Variants in NINL observed in about 807,000 individuals in gnomAD.
NINL encodes ninein-like protein.
Under a neutral mutation model 160.3 loss-of-function variants are expected in NINL, and 153 were observed. The ratio of observed to expected loss-of-function variants is 0.95; its 90% CI spans 0.84 to 1.09. The LOEUF (loss-of-function observed/expected upper bound fraction) is 1.09, where lower values mean the gene tolerates loss of function less well. Among genes scored for constraint, NINL ranks in the 50% least tolerant of loss-of-function variants. The probability of loss-of-function intolerance (pLI) is 0.00; values close to 1 mark genes in which losing one functional copy is unlikely to be tolerated. For missense variants in NINL, 1,829 were observed against 1,764.0 expected (o/e 1.04, Z -0.66); for synonymous variants, 800 against 734.8 (o/e 1.09, Z -1.43).
intron 3 of NINL, among the ~76,000 whole-genome samples, 198 bp from the exon 4 acceptor site, chr20:25,513,204 C>T (rs2064106479): frequency 2.0e-5 from 3 of 152,104 alleles, no homozygotes; most frequent in Admixed American, 2.0e-4. Flanking sequence ...GGGTGGGAGA[C>T]TGAGAAAGCA....
intron 18 of NINL, among the ~76,000 whole-genome samples, chr20:25,469,671 C>T (rs1047661515): frequency 6.6e-6 from 1 of 152,152 alleles, no homozygotes; most frequent in South Asian, 2.1e-4. Context: ...CCCCTAAGTG[C>T]GACGTGCATC....
chr20:25,476,522 T>C lies in NINL; in HGVS notation c.2769A>G (p.Pro923=). The C allele has an allele frequency of 2.5e-6, 4 of 1,601,284 alleles. No individual in the cohort carries two copies. The highest frequency in any genetic ancestry group is 3.4e-6 in the Non-Finnish European group (4 of 1,179,834). Reference sequence around the variant, plus strand: ...CCGCTGCGCTCGCGCCGAAAGGCTCTGGCTCCTTTGGGACAATATCCCCAT... The same window carrying C: ...CCGCTGCGCTCGCGCCGAAAGGCTCCGGCTCCTTTGGGACAATATCCCCAT... ...GVDGDIVPKE[P]EPFGASAAGL... is the part of the protein sequence containing the mutation. The change falls in exon 17 of 24, where the codon CCA becomes CCG. Residue 923 remains proline (P), a synonymous_variant. Coordinates refer to ENST00000278886, the MANE Select transcript of NINL (RefSeq NM_025176.6).
At chr20:25,498,575 G>A (rs909473676) in intron 8 of NINL, among the ~76,000 whole-genome samples, 9 of 152,206 alleles carry the variant, frequency 5.9e-5, no homozygotes, top group East Asian at 1.9e-4. Flanking sequence ...TCAGGGGTGC[G>A]TAGGCCCAGG....
chr20:25,539,984 A>C (rs755540119), intron 1 of NINL: 1 of 1,279,200 alleles, frequency 7.8e-7, no homozygotes, highest in Non-Finnish European at 1.0e-6. Context: ...GTGCAGCCTC[A>C]CAACAAGCAG....
At chr20:25,515,575 G>A (rs2064145653) in intron 3 of NINL, among the ~76,000 whole-genome samples, 2 of 152,060 alleles carry the variant, frequency 1.3e-5, no homozygotes, top group African/African-American at 4.8e-5. Flanking sequence ...ATTTTGCGGG[G>A]GGTGTGCAGG....
intron 18 of NINL, among the ~76,000 whole-genome samples, chr20:25,469,740 G>T (rs2063046128): frequency 6.6e-6 from 1 of 152,182 alleles, no homozygotes; most frequent in African/African-American, 2.4e-5. Context: ...CGACCATGCT[G>T]TGGGCACTCT....
intron 1 of NINL, among the ~76,000 whole-genome samples, chr20:25,532,356 C>CAT (rs1451066452): frequency 6.6e-6 from 1 of 152,244 alleles, no homozygotes; most frequent in African/African-American, 2.4e-5. Context: ...ATAAAGCATC[C>CAT]ACAGGAGGGC....
chr20:25,571,871 A>T (rs1275505489), intron 1 of NINL, among the ~76,000 whole-genome samples: 1 of 120,198 alleles, frequency 8.3e-6, no homozygotes, highest in Non-Finnish European at 1.8e-5. Flanking sequence ...CTGTCTGAAA[A>T]AAAAAAAAAA....
intron 19 of NINL, 101 bp from the exon 20 acceptor site, chr20:25,462,642 A>ATTTGT (rs113237945): frequency 0.02 from 16,960 of 837,184 alleles, 588 homozygotes; most frequent in African/African-American, 0.11. Context: ...TTAAGTAGTC[A>ATTTGT]TTTGTTTTGT....
In NINL at chr20:25,570,694, C is replaced by CTTTTTTT. The variant is rs57981279; in HGVS notation, c.-12+14754_-12+14760dup. On this transcript the variant is annotated intron_variant, in intron 1 of 23. Transcript: ENST00000278886. ...ATGTCAGAGATCCTGGGCAAGTAGA[C>CTTTTTTT]TTTTTTTTTTTTTTTTTTTTTTTTG... is the stretch of plus-strand genomic sequence containing the variant. Among the ~76,000 whole-genome samples, 12 of 91,014 alleles carry CTTTTTTT rather than the reference C, an allele frequency of 1.3e-4. 1 individual carries two copies. Among genetic ancestry groups the CTTTTTTT allele is most frequent in the Non-Finnish European group, 2.2e-4 (11 of 50,170 alleles). The allele number at this position is 91,014 out of a possible 152,430, so 59.7% of individuals were successfully genotyped here. A position where few individuals can be genotyped will look rare whatever the true frequency, so the allele number is the denominator to read the frequency against.
At chr20:25,518,290 G>A (rs1212785597) in intron 2 of NINL, among the ~76,000 whole-genome samples, 2 of 152,178 alleles carry the variant, frequency 1.3e-5, no homozygotes, top group African/African-American at 4.8e-5. Context: ...CATGCCTAAA[G>A]CTTGGTTTCA....
At chr20:25,473,905 G>T (rs2063170338) in intron 17 of NINL, among the ~76,000 whole-genome samples, 1 of 152,106 alleles carries the variant, frequency 6.6e-6, no homozygotes. Flanking sequence ...AAGTTAAAAA[G>T]AAAGAAATGC....
At chr20:25,508,391 A>G (rs2064002299) in intron 5 of NINL, among the ~76,000 whole-genome samples, 1 of 152,270 alleles carries the variant, frequency 6.6e-6, no homozygotes, top group African/African-American at 2.4e-5. Flanking sequence ...AAAACTGCTC[A>G]CAGGACTAAG....
intron 10 of NINL, among the ~76,000 whole-genome samples, chr20:25,494,800 T>C (rs2063719261): frequency 6.6e-6 from 1 of 152,218 alleles, no homozygotes; most frequent in African/African-American, 2.4e-5. Context: ...GGACTGTGCC[T>C]GGCTCTGGAA....
At chr20:25,508,933 T>C (rs1344259346) in intron 5 of NINL, among the ~76,000 whole-genome samples, 1 of 152,238 alleles carries the variant, frequency 6.6e-6, no homozygotes, top group Non-Finnish European at 1.5e-5. Flanking sequence ...GTTCTAACTT[T>C]GCCCCTCTTT....
intron 17 of NINL, among the ~76,000 whole-genome samples, chr20:25,473,214 T>C (rs1334497675): frequency 1.3e-5 from 2 of 152,196 alleles, no homozygotes; most frequent in African/African-American, 4.8e-5. Flanking sequence ...ATTCCATCTC[T>C]TGTTCTGGGC....
chr20:25,475,095 T>C (rs2063198312), intron 17 of NINL, among the ~76,000 whole-genome samples: 1 of 151,462 alleles, frequency 6.6e-6, no homozygotes, highest in South Asian at 2.1e-4. Context: ...TTACGAGGTT[T>C]TAAATTCCTG....
At chr20:25,523,100 T>C (rs185208527) in intron 2 of NINL, among the ~76,000 whole-genome samples, 365 of 152,270 alleles carry the variant, frequency 2.4e-3, no homozygotes, top group Middle Eastern at 0.01. Flanking sequence ...TTACTTATAA[T>C]AGCCAATACA....
chr20:25,490,296 C>T (rs1209578774), intron 11 of NINL, among the ~76,000 whole-genome samples: 1 of 152,168 alleles, frequency 6.6e-6, no homozygotes, highest in Non-Finnish European at 1.5e-5. Flanking sequence ...CACGGTGGCT[C>T]ACGCCTGTAA....
Sources: allele counts gnomAD v4.1 joint callset (sites outside exome capture counted in the v4.1 genomes callset), GRCh38; gene constraint gnomAD v4.1.1; transcripts MANE v1.5; gene names NCBI Gene and HGNC (gene_info 2026-07-23, HGNC 2026-07-21).